Variants in SLC33A2 observed in about 807,000 individuals in gnomAD.
The protein encoded by SLC33A2 is solute carrier family 33 member 2.
chr8:144,510,254 C>G, the SLC33A2 span: 1 of 1,526,408 alleles, frequency 6.6e-7, no homozygotes, highest in African/African-American at 1.4e-5. Context: ...ATCTGCAGCT[C>G]TGGAACACTG....
At chr8:144,511,003 AG>A in the SLC33A2 span, 1 of 1,601,400 alleles carries the variant, frequency 6.2e-7, no homozygotes, top group Non-Finnish European at 8.5e-7. Context: ...CACACACTAC[AG>A]CCTTCTGGCC....
the SLC33A2 span, chr8:144,510,505 C>G: frequency 1.2e-6 from 2 of 1,612,626 alleles, no homozygotes; most frequent in Non-Finnish European, 1.7e-6. Context: ...TGGCCAAGCA[C>G]TGGTGAGCCC....
chr8:144,509,268 G>A, the SLC33A2 span: 7,976 of 1,403,966 alleles, frequency 5.7e-3, 407 homozygotes, highest in African/African-American at 0.11. Flanking sequence ...CACGCGGAGG[G>A]GACCTCGCCT....
At chr8:144,510,192 C>A in the SLC33A2 span, 2 of 1,295,162 alleles carry the variant, frequency 1.5e-6, no homozygotes, top group Non-Finnish European at 2.1e-6. Flanking sequence ...CCGCCCCCAG[C>A]TCTAGCCCCA....
At chr8:144,510,171 T>G in the SLC33A2 span, 2 of 1,270,344 alleles carry the variant, frequency 1.6e-6, no homozygotes, top group Non-Finnish European at 2.1e-6. Flanking sequence ...CAGCTGGGCC[T>G]TGTGTCTTGT....
the SLC33A2 span, chr8:144,510,523 T>C: frequency 1.2e-6 from 2 of 1,612,338 alleles, no homozygotes; most frequent in Non-Finnish European, 1.7e-6. Context: ...CCCTCCCCAG[T>C]GTACCCTGCC....
the SLC33A2 span, chr8:144,509,105 C>T: frequency 5.9e-5 from 27 of 456,590 alleles, no homozygotes; most frequent in East Asian, 5.3e-4. Flanking sequence ...CGCCGGTGTC[C>T]GGACCGCTCG....
chr8:144,511,174 C>T, the SLC33A2 span: 3 of 1,606,106 alleles, frequency 1.9e-6, no homozygotes, highest in East Asian at 2.2e-5. Flanking sequence ...AGCTGAGTGG[C>T]TGGAGTGGTC....
the SLC33A2 span, chr8:144,510,331 C>T: frequency 6.2e-6 from 10 of 1,609,278 alleles, no homozygotes; most frequent in Admixed American, 5.0e-5. Context: ...ATGGAACCTC[C>T]CGTGCTCATG....
the SLC33A2 span, chr8:144,510,970 C>G: frequency 6.3e-7 from 1 of 1,599,356 alleles, no homozygotes; most frequent in Non-Finnish European, 8.5e-7. Context: ...TGACCTTGAC[C>G]GTGACCCCCA....
the SLC33A2 span, chr8:144,510,652 C>T: frequency 3.2e-6 from 5 of 1,560,666 alleles, no homozygotes; most frequent in Admixed American, 5.5e-5. Flanking sequence ...GGGGCCTAGC[C>T]TGTCAGACTG....
chr8:144,510,997 C>T, the SLC33A2 span: 1 of 1,600,998 alleles, frequency 6.2e-7, no homozygotes, highest in Non-Finnish European at 8.5e-7. Context: ...TCAGGCCACA[C>T]ACTACAGCCT....
At chr8:144,509,202 C>T in the SLC33A2 span, 2 of 925,114 alleles carry the variant, frequency 2.2e-6, no homozygotes, top group African/African-American at 1.8e-5. Context: ...GCCTGTACGA[C>T]GCTGACTCTG....
chr8:144,510,623 G>C, the SLC33A2 span: 8 of 1,571,298 alleles, frequency 5.1e-6, no homozygotes, highest in African/African-American at 1.4e-5. Context: ...GTTGAGGTCG[G>C]TGCTGCGCTT....
the SLC33A2 span, chr8:144,509,667 G>A: frequency 3.2e-6 from 5 of 1,553,888 alleles, no homozygotes; most frequent in Non-Finnish European, 4.3e-6. Flanking sequence ...GAACCTGGGT[G>A]CCGCCATGCA....
At chr8:144,510,628 G>T in the SLC33A2 span, 1 of 1,569,314 alleles carries the variant, frequency 6.4e-7, no homozygotes. Flanking sequence ...GGTCGGTGCT[G>T]CGCTTCCGCC....
the SLC33A2 span, chr8:144,510,968 A>C: frequency 6.3e-7 from 1 of 1,599,270 alleles, no homozygotes; most frequent in Middle Eastern, 1.7e-4. Context: ...CCTGACCTTG[A>C]CCGTGACCCC....
chr8:144,509,277 C>T, the SLC33A2 span: 2 of 1,415,546 alleles, frequency 1.4e-6, no homozygotes, highest in East Asian at 2.7e-5. Flanking sequence ...GGGACCTCGC[C>T]TTGCGGGACC....
the SLC33A2 span, chr8:144,511,208 C>G: frequency 6.3e-7 from 1 of 1,587,050 alleles, no homozygotes. Flanking sequence ...GTGCCTGTGG[C>G]CCAGATGTCT....
Sources: allele counts gnomAD v4.1 joint callset, GRCh38; gene constraint gnomAD v4.1.1; transcripts MANE v1.5; gene names NCBI Gene and HGNC (gene_info 2026-07-23, HGNC 2026-07-21).